Variants in CCDC171 observed in about 807,000 individuals in gnomAD.
The protein encoded by CCDC171 is coiled-coil domain-containing protein 171.
Under a neutral mutation model 168.2 loss-of-function variants are expected in CCDC171, and 177 were observed. The ratio of observed to expected loss-of-function variants is 1.05; its 90% CI spans 0.93 to 1.19. The LOEUF (loss-of-function observed/expected upper bound fraction) is 1.19. Ranked by LOEUF, CCDC171 falls within the 50% of genes most tolerant of loss-of-function variation. The pLI, the probability that CCDC171 is intolerant of heterozygous loss-of-function variation, is 0.00. For missense variants in CCDC171, 1,991 were observed against 1,539.0 expected (o/e 1.29, Z -4.91); for synonymous variants, 687 against 540.8 (o/e 1.27, Z -3.75).
At chr9:15,784,940 A>G (rs563418704) in intron 21 of CCDC171, among the ~76,000 whole-genome samples, 5 of 152,202 alleles carry the variant, frequency 3.3e-5, no homozygotes, top group African/African-American at 7.2e-5. Flanking sequence ...AATAATAACA[A>G]TTATTATTAA....
intron 25 of CCDC171, among the ~76,000 whole-genome samples, chr9:15,941,678 C>T (rs929316498): frequency 6.6e-6 from 1 of 151,876 alleles, no homozygotes; most frequent in African/African-American, 2.4e-5. Context: ...AAATCAAGTG[C>T]TACAATATAT....
chr9:15,664,415 AT>A (rs1450566436), intron 8 of CCDC171, among the ~76,000 whole-genome samples: 1 of 151,392 alleles, frequency 6.6e-6, no homozygotes, highest in Non-Finnish European at 1.5e-5. Context: ...CGCCCAGCTG[AT>A]TTTTGTTTTT....
At chr9:15,593,911 A>T (rs1385974390) in intron 5 of CCDC171, 130 bp from the exon 6 acceptor site, 1 of 617,434 alleles carries the variant, frequency 1.6e-6, no homozygotes, top group Non-Finnish European at 2.8e-6. Flanking sequence ...TTTATTAATG[A>T]TTTTAACATG....
At chr9:15,554,624 C>G (rs1472542962) in intron 1 of CCDC171, among the ~76,000 whole-genome samples, 1 of 152,134 alleles carries the variant, frequency 6.6e-6, no homozygotes, top group Non-Finnish European at 1.5e-5. Flanking sequence ...TTTTGGTTGT[C>G]TCAGTCCCTT....
At chr9:15,581,374 G>C (rs908893130) in intron 4 of CCDC171, among the ~76,000 whole-genome samples, 1 of 152,068 alleles carries the variant, frequency 6.6e-6, no homozygotes, top group Non-Finnish European at 1.5e-5. Flanking sequence ...TGTATAGATT[G>C]AATGCTGTCC....
rs1831492881 is a variant in CCDC171 at position 15,973,072 on chromosome 9, T to C, written c.*1236T>C. ...GATCAGACATTGACATTGATTAAAC[T>C]CTTTAACCCTTAAAGGTTAAATCCT... On this transcript the variant is annotated 3_prime_UTR_variant, in exon 26 of 26. Transcript: ENST00000380701. The C allele has an allele frequency of 6.6e-6, 1 of 152,174 alleles. No homozygotes were observed. Among genetic ancestry groups the C allele is most frequent in the Non-Finnish European group, 1.5e-5 (1 of 68,024 alleles). The allele number at this position is 152,174 out of a possible 1,614,324, so 9.4% of individuals were successfully genotyped here.
rs937179953 is a variant in CCDC171, at chr9:15,563,883, A to G, written c.-111-95A>G. The stretch of plus-strand genomic sequence containing the variant: ...TATACACCTACAATTTCACTTATCA[A>G]TTATTACATCTTTCCAAAATAAACC... On this transcript the variant is annotated intron_variant, in intron 1 of 25. Coordinates refer to ENST00000380701, the MANE Select transcript of CCDC171 (RefSeq NM_173550.4). 10 of 520,936 alleles carry G rather than the reference A, an allele frequency of 1.9e-5. 1 individual carries two copies. The highest frequency in any genetic ancestry group is 1.5e-4 in the Admixed American group (4 of 26,934). 32.3% of individuals were successfully genotyped at this position (520,936 alleles called of 1,614,324 possible).
chr9:15,594,987 A>G (rs2042237789), intron 6 of CCDC171, among the ~76,000 whole-genome samples: 2 of 152,184 alleles, frequency 1.3e-5, no homozygotes, highest in Non-Finnish European at 1.5e-5. Context: ...TTCGACACAG[A>G]ATGACAAATT....
chr9:15,563,849 A>C (rs1030996376), intron 1 of CCDC171, 129 bp from the exon 2 acceptor site: 1 of 424,820 alleles, frequency 2.4e-6, no homozygotes, highest in South Asian at 2.9e-5. Context: ...TCTGAGGTCT[A>C]GATATCTCTA....
intron 11 of CCDC171, among the ~76,000 whole-genome samples, chr9:15,714,143 AATGCT>A (rs2052899429): frequency 6.6e-6 from 1 of 152,136 alleles, no homozygotes; most frequent in South Asian, 2.1e-4. Flanking sequence ...AGGTGAGTTG[AATGCT>A]GATGTGGTAG....
At chr9:15,600,913 A>G (rs992277228) in intron 6 of CCDC171, among the ~76,000 whole-genome samples, 106 of 152,200 alleles carry the variant, frequency 7.0e-4, no homozygotes, top group African/African-American at 2.2e-3. Context: ...GCGAGGCTCC[A>G]TGGGTGTAGG....
rs527306303 is a variant in CCDC171, at chr9:15,943,711, A to G, written c.3753+23289A>G. ...ATCTTTTAGAGCTCTTTCTCTTCCC[A>G]TCTTTTATGCAGGCAAGGTAGTTGT... On this transcript the variant is annotated intron_variant, in intron 25 of 25. Coordinates refer to ENST00000380701, the MANE Select transcript of CCDC171 (RefSeq NM_173550.4). Among the ~76,000 whole-genome samples the G allele has an allele frequency of 4.7e-3, 719 of 152,016 alleles. 4 individuals carry two copies. Among genetic ancestry groups the G allele is most frequent in the Non-Finnish European group, 7.2e-3 (488 of 67,930 alleles).
chr9:15,852,272 C>G (rs567347615), intron 23 of CCDC171, among the ~76,000 whole-genome samples: 1 of 151,876 alleles, frequency 6.6e-6, no homozygotes, highest in Admixed American at 6.6e-5. Flanking sequence ...AATGGCCATC[C>G]TAGTGACTAC....
Position 15,777,662 on chromosome 9 carries a change from CT to C in CCDC171, c.2735del (p.Leu912ProfsTer8). Reference protein sequence around the residue: ...IGAAKNSFAKLMDKISLVMEC... With the variant: ...IGAAKNSFAKXMDKISLVMEC... Reference sequence around the variant, plus strand: ...TGCAGCCAAGAATTCTTTTGCAAAACTCATGGATAAAATTAGTCTGGTAATG... The same window carrying C: ...TGCAGCCAAGAATTCTTTTGCAAAACCATGGATAAAATTAGTCTGGTAATG... On this transcript the variant is annotated frameshift_variant, in exon 19 of 26. Transcript: ENST00000380701. LOFTEE classifies it high-confidence loss of function. 1 of 1,613,854 alleles carries C rather than the reference CT, an allele frequency of 6.2e-7. No homozygotes were observed. Among genetic ancestry groups the C allele is most frequent in the Non-Finnish European group, 8.5e-7 (1 of 1,179,946 alleles).
intron 24 of CCDC171, chr9:15,883,265 G>T (rs809493): frequency 6.4e-6 from 1 of 157,286 alleles, no homozygotes; most frequent in East Asian, 1.9e-4. Flanking sequence ...TCGCTATGCT[G>T]CCCAGACTGG....
chr9:15,564,486 T>A (rs1416048123), intron 2 of CCDC171, among the ~76,000 whole-genome samples: 1 of 152,262 alleles, frequency 6.6e-6, no homozygotes, highest in African/African-American at 2.4e-5. Flanking sequence ...AATTCCTCTT[T>A]CTTCATTGGC....
chr9:15,667,617 G>T (rs982952811), intron 9 of CCDC171, among the ~76,000 whole-genome samples: 2 of 152,150 alleles, frequency 1.3e-5, no homozygotes, highest in African/African-American at 4.8e-5. Context: ...TTGCACTCCA[G>T]CCTGGGCAAC....
At chr9:15,654,727 G>A (rs976399909) in intron 7 of CCDC171, among the ~76,000 whole-genome samples, 2 of 152,140 alleles carry the variant, frequency 1.3e-5, no homozygotes, top group African/African-American at 2.4e-5. Context: ...CGTGAGCGAC[G>A]CAGAAGACGG....
At chr9:16,030,769 G>A (rs953949079) in intron 6 of CCDC171, among the ~76,000 whole-genome samples, 4 of 152,152 alleles carry the variant, frequency 2.6e-5, no homozygotes, top group South Asian at 2.1e-4. Flanking sequence ...GGCTCACCAC[G>A]CTGGCCAGGA....
Sources: allele counts gnomAD v4.1 joint callset (sites outside exome capture counted in the v4.1 genomes callset), GRCh38; gene constraint gnomAD v4.1.1; transcripts MANE v1.5; gene names NCBI Gene and HGNC (gene_info 2026-07-23, HGNC 2026-07-21).